Variants in CDC42BPA observed in about 807,000 individuals in gnomAD.
CDC42BPA encodes the protein serine/threonine-protein kinase MRCK alpha.
Under a neutral mutation model 223.5 loss-of-function variants are expected in CDC42BPA, and 80 were observed. That is an observed-to-expected ratio of 0.36 (90% CI 0.30 to 0.43). The LOEUF (loss-of-function observed/expected upper bound fraction) is 0.43. CDC42BPA is among the 20% of genes least tolerant of loss of function. The pLI is 1.00. For missense variants in CDC42BPA, 1,743 were observed against 2,099.9 expected (o/e 0.83, Z 3.32); for synonymous variants, 694 against 718.6 (o/e 0.97, Z 0.55).
intron 15 of CDC42BPA, 57 bp downstream of exon 15, chr1:227,100,935 G>T: frequency 9.1e-7 from 1 of 1,102,294 alleles, no homozygotes; most frequent in South Asian, 1.6e-5. Context: ...TCCAATACTT[G>T]ACACATAACA....
intron 34 of CDC42BPA, among the ~76,000 whole-genome samples, chr1:227,011,499 A>G (rs1311491862): frequency 6.6e-6 from 1 of 152,198 alleles, no homozygotes; most frequent in Non-Finnish European, 1.5e-5. Context: ...TTCTTTAGAA[A>G]TCTAAAACCA....
chr1:227,039,592 A>G (rs1307819556), intron 24 of CDC42BPA, among the ~76,000 whole-genome samples: 1 of 152,126 alleles, frequency 6.6e-6, no homozygotes, highest in African/African-American at 2.4e-5. Flanking sequence ...CATCACTCAG[A>G]ATGTGCGCTC....
intron 35 of CDC42BPA, among the ~76,000 whole-genome samples, chr1:226,996,794 T>C (rs1346168856): frequency 6.6e-6 from 1 of 152,240 alleles, no homozygotes; most frequent in Admixed American, 6.5e-5. Flanking sequence ...CAGTCTTGCA[T>C]CTCAGGGATG....
At chr1:227,168,642 C>A (rs1219015130) in intron 5 of CDC42BPA, among the ~76,000 whole-genome samples, 4 of 151,776 alleles carry the variant, frequency 2.6e-5, no homozygotes, top group Non-Finnish European at 5.9e-5. Flanking sequence ...ACTACAGGCG[C>A]CTGCCACCAC....
chr1:227,050,486 T>C lies in CDC42BPA; in HGVS notation c.3009+1395A>G, dbSNP rs371727435. On this transcript the variant is annotated intron_variant, in intron 22 of 36. Transcript: ENST00000366766. Reference sequence around the variant, plus strand: ...TACATGCCAAACAAACTCTGTACATTTGCAAAAACAGATATTAGGATATTA... The same window carrying C: ...TACATGCCAAACAAACTCTGTACATCTGCAAAAACAGATATTAGGATATTA... 3.5e-4 allele frequency among the ~76,000 whole-genome samples: 54 copies of C among 152,240 alleles called. 1 individual carries two copies. The South Asian group carries it at 0.011, about 30-fold the overall frequency.
At chr1:227,130,736 T>C (rs1656912455) in intron 10 of CDC42BPA, among the ~76,000 whole-genome samples, 1 of 152,122 alleles carries the variant, frequency 6.6e-6, no homozygotes, top group Non-Finnish European at 1.5e-5. Context: ...ATGCCTGTAA[T>C]ACCAGCTACT....
At position 227,317,585 on chromosome 1, in the gene CDC42BPA, T is replaced by C. The variant is rs879067488; in HGVS notation, c.-403A>G. 4 of 396,978 alleles carry C rather than the reference T, an allele frequency of 1.0e-5. No homozygotes were observed. The highest frequency in any genetic ancestry group is 2.6e-4 in the South Asian group (2 of 7,800). The allele number at this position is 396,978 out of a possible 1,614,324, so 24.6% of individuals were successfully genotyped here. The stretch of plus-strand genomic sequence containing the variant: ...CAACGTAATCCTGAAACGAATCCGG[T>C]TGCATCATTAATGAATAAAGTCCGA... On this transcript the variant is annotated 5_prime_UTR_variant, in exon 1 of 37. Coordinates refer to ENST00000366766, the MANE Select transcript of CDC42BPA (RefSeq NM_001394014.1).
rs569879499 is a variant in CDC42BPA at position 227,129,666 on chromosome 1, C to CAAAAAAAAAAAAAAAAAA, written c.1391-453_1391-436dup. ...TGGGAGACAAAGTGAGACTGTATCT[C>CAAAAAAAAAAAAAAAAAA]AAAAAAAAAAAAAAAAAAAAAAAAA... On this transcript the variant is annotated intron_variant, in intron 10 of 36. Transcript: ENST00000366766. Among the ~76,000 whole-genome samples, 35 of 33,918 alleles carry CAAAAAAAAAAAAAAAAAA rather than the reference C, an allele frequency of 1.0e-3. 3 individuals are homozygous for CAAAAAAAAAAAAAAAAAA. The highest frequency in any genetic ancestry group is 4.1e-3 in the East Asian group (3 of 726). 22.3% of individuals were successfully genotyped at this position (33,918 alleles called of 152,430 possible).
At chr1:227,135,087 G>A (rs1462151840) in intron 10 of CDC42BPA, among the ~76,000 whole-genome samples, 2 of 152,230 alleles carry the variant, frequency 1.3e-5, no homozygotes, top group Non-Finnish European at 2.9e-5. Flanking sequence ...TTACCTGGAA[G>A]CCTTATCCAT....
At chr1:227,069,564 A>T (rs1677849322) in intron 21 of CDC42BPA, 6 of 366,990 alleles carry the variant, frequency 1.6e-5, no homozygotes, top group Non-Finnish European at 2.5e-5. Flanking sequence ...TCTCATGATT[A>T]AATCTTTCTT....
chr1:227,170,037 T>C (rs549074548), intron 5 of CDC42BPA, among the ~76,000 whole-genome samples: 1 of 152,294 alleles, frequency 6.6e-6, no homozygotes, highest in South Asian at 2.1e-4. Context: ...CACATTTTCA[T>C]CTAGAACCTT....
In CDC42BPA at chr1:227,027,484, C is replaced by T. The variant is rs144747762; in HGVS notation, c.4432+1173G>A. On this transcript the variant is annotated intron_variant, in intron 30 of 36. Coordinates refer to ENST00000366766, the MANE Select transcript of CDC42BPA (RefSeq NM_001394014.1). ...ATTTTGTCCTCTCTGGCCTTCTTGG[C>T]GGTCTTACTCTATTTCCCATATAGA... 7.6e-3 allele frequency among the ~76,000 whole-genome samples: 1,164 copies of T among 152,244 alleles called. 5 individuals are homozygous for T. Among genetic ancestry groups the T allele is most frequent in the Admixed American group, 0.013 (202 of 15,296 alleles).
chr1:227,259,713 A>G (rs1226118973), intron 1 of CDC42BPA, among the ~76,000 whole-genome samples: 1 of 151,028 alleles, frequency 6.6e-6, no homozygotes, highest in Non-Finnish European at 1.5e-5. Context: ...AGTAAGTCAC[A>G]GTACTACTAT....
intron 30 of CDC42BPA, among the ~76,000 whole-genome samples, chr1:227,026,944 C>T (rs1203792050): frequency 6.6e-6 from 1 of 152,082 alleles, no homozygotes; most frequent in Non-Finnish European, 1.5e-5. Flanking sequence ...CATGCAACCA[C>T]TACACCTGGC....
intron 3 of CDC42BPA, among the ~76,000 whole-genome samples, chr1:227,210,739 A>T (rs1673730148): frequency 6.6e-6 from 1 of 152,166 alleles, no homozygotes; most frequent in South Asian, 2.1e-4. Flanking sequence ...TATTTCTGCT[A>T]AACAGAACAT....
At chr1:227,102,607 T>A (rs2149323379) in intron 14 of CDC42BPA, among the ~76,000 whole-genome samples, 1 of 152,122 alleles carries the variant, frequency 6.6e-6, no homozygotes, top group South Asian at 2.1e-4. Flanking sequence ...TCCCCTGAAA[T>A]CAAAACCTAA....
intron 5 of CDC42BPA, among the ~76,000 whole-genome samples, chr1:227,163,416 C>G (rs1357236543): frequency 6.6e-6 from 1 of 152,076 alleles, no homozygotes; most frequent in East Asian, 1.9e-4. Context: ...TATATGAATG[C>G]TTCTCCAGAC....
At chr1:227,157,114 C>A (rs184543075) in intron 6 of CDC42BPA, among the ~76,000 whole-genome samples, 113 of 152,306 alleles carry the variant, frequency 7.4e-4, no homozygotes, top group Non-Finnish European at 1.4e-3. Context: ...CAAATAATTA[C>A]ATATTACATT....
chr1:227,306,544 T>C (rs777546235), intron 1 of CDC42BPA, among the ~76,000 whole-genome samples: 11 of 152,310 alleles, frequency 7.2e-5, no homozygotes, highest in Non-Finnish European at 1.6e-4. Flanking sequence ...TACGAACGCA[T>C]GCAACAAAAA....
Sources: gnomAD v4.1 joint callset for allele counts (sites outside exome capture counted in the v4.1 genomes callset) on GRCh38, gnomAD v4.1.1 for gene constraint, MANE v1.5 for transcripts, NCBI Gene and HGNC (gene_info 2026-07-23, HGNC 2026-07-21) for gene names.